The following ARHGAP42 variants were observed in gnomAD, a reference collection of about 807,000 sequenced individuals.
ARHGAP42 encodes the protein Rho GTPase activating protein 42.
In ARHGAP42, 63 loss-of-function variants were observed where a neutral mutation model predicts 125.0. The observed-to-expected ratio is 0.50, with a 90% CI of 0.41 to 0.62. The LOEUF is 0.62. ARHGAP42 is among the 20% of genes least tolerant of loss of function. ARHGAP42 has a pLI of 0.00. For synonymous variants in ARHGAP42, 339 were observed against 351.0 expected (o/e 0.97, Z 0.38); for missense variants, 766 against 1,024.2 (o/e 0.75, Z 3.44).
chr11:100,885,391 A>G (rs1179606814), intron 4 of ARHGAP42, among the ~76,000 whole-genome samples: 1 of 152,168 alleles, frequency 6.6e-6, no homozygotes. Flanking sequence ...TCTTTAGGTT[A>G]TTTATATAGC....
chr11:100,890,909 G>A (rs1452955111), intron 4 of ARHGAP42, among the ~76,000 whole-genome samples: 1 of 152,110 alleles, frequency 6.6e-6, no homozygotes, highest in Non-Finnish European at 1.5e-5. Context: ...TCCAAGTCTT[G>A]GGAAGCTGCC....
intron 1 of ARHGAP42, among the ~76,000 whole-genome samples, chr11:100,733,258 T>C (rs1861992057): frequency 6.6e-6 from 1 of 152,182 alleles, no homozygotes. Flanking sequence ...ACCTAACTCA[T>C]GGGATTGTCA....
chr11:100,809,434 T>A (rs1041640322), intron 3 of ARHGAP42, among the ~76,000 whole-genome samples: 2 of 152,224 alleles, frequency 1.3e-5, no homozygotes, highest in African/African-American at 4.8e-5. Context: ...CTCCAACTCT[T>A]GTCTATTGTA....
At chr11:100,859,470 A>T in intron 3 of ARHGAP42, 84 bp from the exon 4 acceptor site, 1 of 1,133,468 alleles carries the variant, frequency 8.8e-7, no homozygotes. Context: ...AGTCTATTTG[A>T]TACATTGGAT....
intron 21 of ARHGAP42, among the ~76,000 whole-genome samples, chr11:100,977,706 G>A (rs1032462381): frequency 6.6e-6 from 1 of 152,106 alleles, no homozygotes; most frequent in Non-Finnish European, 1.5e-5. Flanking sequence ...TCTCTTTTAA[G>A]GTCTGCAGTG....
At chr11:100,708,101 G>A (rs1426117690) in intron 1 of ARHGAP42, among the ~76,000 whole-genome samples, 2 of 152,124 alleles carry the variant, frequency 1.3e-5, no homozygotes, top group African/African-American at 2.4e-5. Flanking sequence ...ATTCCTTCTT[G>A]AGCCCTGCCT....
At chr11:100,810,199 TA>T (rs767588900) in intron 3 of ARHGAP42, among the ~76,000 whole-genome samples, 4 of 151,240 alleles carry the variant, frequency 2.6e-5, no homozygotes, top group East Asian at 1.9e-4. Flanking sequence ...TGTGTAAAAT[TA>T]AAAAAAAATA....
chr11:100,729,230 CT>C (rs1161763862), intron 1 of ARHGAP42, among the ~76,000 whole-genome samples: 4 of 151,878 alleles, frequency 2.6e-5, no homozygotes, highest in Admixed American at 6.6e-5. Flanking sequence ...AAGGATGTCA[CT>C]TTTTTTTAAA....
chr11:100,937,280 A>C (rs1195410826), intron 8 of ARHGAP42, among the ~76,000 whole-genome samples: 1 of 152,160 alleles, frequency 6.6e-6, no homozygotes, highest in Non-Finnish European at 1.5e-5. Flanking sequence ...AACATGATAA[A>C]ACTAGTGATC....
At chr11:100,784,147 A>T (rs545019031) in intron 2 of ARHGAP42, among the ~76,000 whole-genome samples, 1 of 152,160 alleles carries the variant, frequency 6.6e-6, no homozygotes, top group African/African-American at 2.4e-5. Context: ...TAGGTAAAAG[A>T]AAAACACAGA....
Position 100,943,882 on chromosome 11 carries a change from T to G in ARHGAP42, c.1043+14T>G. On this transcript the variant is annotated intron_variant, in intron 10 of 23. Coordinates refer to ENST00000298815, the MANE Select transcript of ARHGAP42 (RefSeq NM_152432.4). The stretch of plus-strand genomic sequence containing the variant: ...AGTAGTTGAAAGGTTTGAGCTGTTC[T>G]TTTCACTTTATTTTTTTCATAAGCT... 6.8e-7 allele frequency: 1 copy of G among 1,475,048 alleles called. No homozygotes were observed. The highest frequency in any genetic ancestry group is 1.3e-5 in the South Asian group (1 of 78,482). 91.4% of individuals were successfully genotyped at this position (1,475,048 alleles called of 1,614,324 possible).
intron 1 of ARHGAP42, among the ~76,000 whole-genome samples, chr11:100,747,770 T>C (rs1278318963): frequency 3.3e-5 from 5 of 152,230 alleles, no homozygotes; most frequent in African/African-American, 7.2e-5. Flanking sequence ...TAGTTTTACA[T>C]TCAGGAGGCC....
intron 1 of ARHGAP42, among the ~76,000 whole-genome samples, chr11:100,713,852 C>A (rs902019760): frequency 1.3e-5 from 2 of 152,010 alleles, no homozygotes; most frequent in Non-Finnish European, 2.9e-5. Flanking sequence ...TGAGCAAATT[C>A]GTTGCATTTT....
At chr11:100,890,352 T>C (rs145938691) in intron 4 of ARHGAP42, among the ~76,000 whole-genome samples, 3 of 152,344 alleles carry the variant, frequency 2.0e-5, no homozygotes, top group African/African-American at 7.2e-5. Flanking sequence ...CATTGTTTTT[T>C]TGATGGCTTT....
chr11:100,913,730 A>C (rs1446891212), intron 5 of ARHGAP42, among the ~76,000 whole-genome samples, 177 bp downstream of exon 5: 1 of 152,222 alleles, frequency 6.6e-6, no homozygotes, highest in Non-Finnish European at 1.5e-5. Flanking sequence ...AACTGTTCCA[A>C]GTGAAGGATC....
chr11:100,929,268 G>T (rs898160680), intron 6 of ARHGAP42, among the ~76,000 whole-genome samples: 1 of 152,114 alleles, frequency 6.6e-6, no homozygotes, highest in Non-Finnish European at 1.5e-5. Context: ...AGAATCTAAT[G>T]CCAGCACTGA....
At chr11:100,889,902 A>T (rs1866179692) in intron 4 of ARHGAP42, among the ~76,000 whole-genome samples, 1 of 152,100 alleles carries the variant, frequency 6.6e-6, no homozygotes, top group Admixed American at 6.5e-5. Flanking sequence ...ACCATTCTTT[A>T]GAGTTCAGCT....
intron 3 of ARHGAP42, among the ~76,000 whole-genome samples, chr11:100,848,620 C>T (rs577826807): frequency 4.7e-4 from 71 of 152,066 alleles, no homozygotes; most frequent in African/African-American, 1.6e-3. Context: ...TCTCCTGCCT[C>T]AGGCTCCCGA....
At chr11:100,844,492 T>C (rs1311303017) in intron 3 of ARHGAP42, among the ~76,000 whole-genome samples, 2 of 151,716 alleles carry the variant, frequency 1.3e-5, no homozygotes, top group African/African-American at 4.8e-5. Flanking sequence ...AAAGGAACAG[T>C]CAACAGAGTG....
Sources: gnomAD v4.1 joint callset for allele counts (sites outside exome capture counted in the v4.1 genomes callset) on GRCh38, gnomAD v4.1.1 for gene constraint, MANE v1.5 for transcripts, NCBI Gene and HGNC (gene_info 2026-07-23, HGNC 2026-07-21) for gene names.